GLB1L3: variants seen among roughly 807,000 people sequenced by gnomAD.
GLB1L3 encodes the protein beta-galactosidase-1-like protein 3.
GLB1L3 carries 89 observed loss-of-function variants against 89.5 expected under a neutral mutation model. The ratio of observed to expected loss-of-function variants is 0.99; its 90% confidence interval spans 0.84 to 1.19. The LOEUF (loss-of-function observed/expected upper bound fraction) is 1.19, where lower values mean the gene tolerates loss of function less well. Among genes scored for constraint, GLB1L3 ranks in the 50% most tolerant of loss-of-function variants. The pLI, the probability that GLB1L3 is intolerant of heterozygous loss-of-function variation, is 0.00. For synonymous variants in GLB1L3, 314 were observed against 312.3 expected (o/e 1.01, Z -0.06); for missense variants, 812 against 813.3 (o/e 1.00, Z 0.02).
At chr11:134,324,180 T>A (rs1252086063), downstream of GLB1L3, among the ~76,000 whole-genome samples, 1 of 152,232 alleles carries the variant, frequency 6.6e-6, no homozygotes, top group African/African-American at 2.4e-5. Context: ...TTTTCGTTAA[T>A]CTACCATACC....
chr11:134,277,943 C>G (rs369011393), intron 3 of GLB1L3, 31 bp downstream of exon 3: 5 of 1,605,920 alleles, frequency 3.1e-6, no homozygotes, highest in Admixed American at 3.4e-5. Context: ...TCCAGGATCT[C>G]GTTACCCTAC....
Position 134,317,848 on chromosome 11 carries a change from T to C in GLB1L3, c.1780-783T>C, listed in dbSNP as rs189755434. On this transcript the variant is annotated intron_variant, in intron 18 of 19. Transcript: ENST00000431683. ...TTTGAATCTCTGCTTTTATCTTTCT[T>C]ATGTATGTTGTATATACATTTTTGG... Among the ~76,000 whole-genome samples the C allele has an allele frequency of 3.1e-3, 469 of 152,316 alleles. 3 individuals carry two copies. Among genetic ancestry groups the C allele is most frequent in the African/African-American group, 0.01 (422 of 41,576 alleles).
rs780342008 is a variant in GLB1L3, at chr11:134,318,906, C to T, written c.1926C>T (p.Gly642=). 2 of 1,613,364 alleles carry T rather than the reference C, an allele frequency of 1.2e-6. No individual in the cohort carries two copies. Among genetic ancestry groups the T allele is most frequent in the Non-Finnish European group, 8.5e-7 (1 of 1,179,632 alleles). ...EVILFEKMMS[G]SDIKSTDKPT... ...TCTTGTTTGAGAAGATGATGAGTGG[C>T]TCAGATATCAAATCTACAGACAAGC... Residue 642 remains glycine, a synonymous_variant, in exon 20 of 20, where the codon GGC becomes GGT. Coordinates refer to ENST00000431683, the MANE Select transcript of GLB1L3 (RefSeq NM_001080407.3).
In GLB1L3 at chr11:134,308,196, T is replaced by TCATCACTACCAC. The variant is rs1565412214; in HGVS notation, c.961+990_961+991insTCACTACCACCA. Among the ~76,000 whole-genome samples the TCATCACTACCAC allele has an allele frequency of 4.1e-3, 281 of 68,812 alleles. 26 individuals are homozygous for TCATCACTACCAC. The highest frequency in any genetic ancestry group is 0.01 in the Middle Eastern group (1 of 96). The allele number at this position is 68,812 out of a possible 152,430, so 45.1% of individuals were successfully genotyped here. On this transcript the variant is annotated intron_variant, in intron 10 of 19. Transcript: ENST00000431683. ...ACCACCACCATCACCATCATCACCA[T>TCATCACTACCAC]CACCACTACCACCACCACCATCACC... is the stretch of plus-strand genomic sequence containing the variant.
intron 7 of GLB1L3, chr11:134,289,095 A>G (rs977037130): frequency 6.1e-6 from 3 of 494,254 alleles, no homozygotes; most frequent in Non-Finnish European, 1.1e-5. Flanking sequence ...TTTAGTCACT[A>G]ATAGTCTACT....
chr11:134,313,293 T>A (rs1565420109), intron 15 of GLB1L3, 103 bp from the exon 16 acceptor site: 5 of 809,904 alleles, frequency 6.2e-6, no homozygotes, highest in Middle Eastern at 2.7e-4. Context: ...GAGCCTCCTG[T>A]TCTCCCATGT....
chr11:134,286,805 A>G (rs1375058346), intron 6 of GLB1L3, among the ~76,000 whole-genome samples: 1 of 141,918 alleles, frequency 7.0e-6, no homozygotes, highest in African/African-American at 2.6e-5. Flanking sequence ...TAAATAAGAA[A>G]TAGACATGCA....
chr11:134,291,786 G>A (rs906135866), intron 7 of GLB1L3, among the ~76,000 whole-genome samples: 17 of 152,094 alleles, frequency 1.1e-4, no homozygotes, highest in African/African-American at 4.1e-4. Flanking sequence ...ACCAGGCTGG[G>A]CAACATAGTG....
intron 10 of GLB1L3, among the ~76,000 whole-genome samples, chr11:134,308,410 CCACCACCATCAT>C (rs1942436877): frequency 1.1e-5 from 1 of 92,554 alleles, no homozygotes; most frequent in African/African-American, 4.7e-5. Flanking sequence ...ACCATCACCA[CCACCACCATCAT>C]CACCATCACC....
Position 134,277,720 on chromosome 11 carries a change from C to T in GLB1L3, c.170C>T (p.Thr57Ile). The change falls in exon 3 of 20, where the codon ACC becomes ATC. Residue 57 changes from threonine (T) to isoleucine (I), a missense_variant. Thr to Ile is a moderately conservative substitution (Grantham distance 89). This residue lies in a region of GLB1L3 where 191 missense variants were observed against 191.4 expected (regional missense o/e 1.00). Transcript: ENST00000431683. ...SQPRFNWSHL[T>I]PLELKNRSVG... ...TCCAGGTTTAATTGGTCTCATCTGA[C>T]CCCTCTGGAGCTGAAGAATCGATCT... 6.2e-7 allele frequency: 1 copy of T among 1,611,086 alleles called. No homozygotes were observed. Among genetic ancestry groups the T allele is most frequent in the Non-Finnish European group, 8.5e-7 (1 of 1,178,652 alleles).
At chr11:134,308,344 T>C (rs1400276063) in intron 10 of GLB1L3, among the ~76,000 whole-genome samples, 5 of 24,650 alleles carry the variant, frequency 2.0e-4, no homozygotes, top group Admixed American at 4.3e-4. Flanking sequence ...ATCACCATCA[T>C]CACCATCACC....
intron 1 of GLB1L3, chr11:134,277,028 G>T (rs1349280211): frequency 5.3e-6 from 3 of 569,386 alleles, no homozygotes; most frequent in Admixed American, 3.3e-5. Context: ...TGTCCTTCCC[G>T]AACCTGGTGC....
intron 6 of GLB1L3, among the ~76,000 whole-genome samples, chr11:134,285,598 C>G (rs1057168007): frequency 6.6e-6 from 1 of 151,976 alleles, no homozygotes; most frequent in Non-Finnish European, 1.5e-5. Context: ...CCAGCCTGAG[C>G]AACATAGTGA....
intron 13 of GLB1L3, 194 bp from the exon 14 acceptor site, chr11:134,312,155 C>T (rs1373382055): frequency 1.9e-5 from 11 of 591,402 alleles, no homozygotes; most frequent in Admixed American, 1.8e-4. Context: ...TCACCATGCC[C>T]TGCATTTCCC....
At chr11:134,308,119 CCAT>C (rs148185152) in intron 10 of GLB1L3, among the ~76,000 whole-genome samples, 34,700 of 143,558 alleles carry the variant, frequency 0.24, 4,567 homozygotes, top group Admixed American at 0.35. Flanking sequence ...AATACCACCA[CCAT>C]CATCACATCA....
chr11:134,277,863 A>G lies in GLB1L3; in HGVS notation c.313A>G (p.Arg105Gly). ...HYFRVPREYW[R>G]DRLLKLKACG... ...TTTCCGGGTGCCCAGGGAGTACTGG[A>G]GGGACCGCCTGCTGAAGCTGAAGGC... The change falls in exon 3 of 20, where the codon AGG becomes GGG. Residue 105 changes from arginine (R) to glycine (G), a missense_variant. Physicochemically the swap from Arg to Gly is moderately radical, Grantham distance 125 (BLOSUM62 -2). Coordinates refer to ENST00000431683, the MANE Select transcript of GLB1L3 (RefSeq NM_001080407.3). The G allele has an allele frequency of 6.2e-7, 1 of 1,614,002 alleles. No homozygotes were observed. Among genetic ancestry groups the G allele is most frequent in the Non-Finnish European group, 8.5e-7 (1 of 1,179,998 alleles).
chr11:134,308,172 C>CCAT (rs1565412088), intron 10 of GLB1L3, among the ~76,000 whole-genome samples: 115 of 139,246 alleles, frequency 8.3e-4, no homozygotes, highest in African/African-American at 3.0e-3. Context: ...ACCACCAGCA[C>CCAT]CACCACCATC....
At chr11:134,282,555 C>A (rs1407129489) in intron 5 of GLB1L3, among the ~76,000 whole-genome samples, 1 of 152,198 alleles carries the variant, frequency 6.6e-6, no homozygotes, top group Non-Finnish European at 1.5e-5. Context: ...TTGAAAACTT[C>A]TGATCTTTCG....
At chr11:134,314,549 C>G in intron 18 of GLB1L3, 108 bp downstream of exon 18, 1 of 728,062 alleles carries the variant, frequency 1.4e-6, no homozygotes, top group South Asian at 1.6e-5. Context: ...TTCTTCTTTT[C>G]CTCTTCTTCC....
Sources: gnomAD v4.1 joint callset for allele counts (sites outside exome capture counted in the v4.1 genomes callset) on GRCh38, gnomAD v4.1.1 for gene constraint, gnomAD v4.1.1 regional missense constraint, MANE v1.5 for transcripts, NCBI Gene and HGNC (gene_info 2026-07-23, HGNC 2026-07-21) for gene names.